CTNNA3: variants seen among roughly 807,000 people sequenced by gnomAD.
CTNNA3 encodes catenin alpha-3.
Under a neutral mutation model 95.7 loss-of-function variants are expected in CTNNA3, and 76 were observed. The observed-to-expected ratio is 0.79, with a 90% CI of 0.66 to 0.96. CTNNA3 has a LOEUF of 0.96. CTNNA3 is among the 40% of genes least tolerant of loss of function. CTNNA3 has a pLI of 0.00. For missense variants in CTNNA3, 1,191 were observed against 1,089.8 expected (o/e 1.09, Z -1.31); for synonymous variants, 431 against 374.4 (o/e 1.15, Z -1.74).
chr10:66,786,673 C>T (rs2132863455), intron 7 of CTNNA3, among the ~76,000 whole-genome samples: 1 of 152,242 alleles, frequency 6.6e-6, no homozygotes, highest in African/African-American at 2.4e-5. Flanking sequence ...AATATAATAA[C>T]TTCATTTTAC....
chr10:67,480,575 CA>C, intron 5 of CTNNA3, among the ~76,000 whole-genome samples: 1 of 152,230 alleles, frequency 6.6e-6, no homozygotes, highest in Non-Finnish European at 1.5e-5. Flanking sequence ...CAAACAATAG[CA>C]TGAGCAATCT....
intron 13 of CTNNA3, among the ~76,000 whole-genome samples, chr10:66,213,449 C>T (rs2088302974): frequency 6.6e-6 from 1 of 151,914 alleles, no homozygotes; most frequent in Non-Finnish European, 1.5e-5. Context: ...TACATTTTTT[C>T]CTATGTCAGG....
At chr10:66,636,283 G>A (rs1028188604) in intron 9 of CTNNA3, among the ~76,000 whole-genome samples, 1 of 151,920 alleles carries the variant, frequency 6.6e-6, no homozygotes, top group African/African-American at 2.4e-5. Flanking sequence ...GTTAGCAGGG[G>A]CATAAGCTAT....
intron 2 of CTNNA3, among the ~76,000 whole-genome samples, chr10:67,626,278 C>G (rs949714330): frequency 1.3e-5 from 2 of 151,806 alleles, no homozygotes; most frequent in African/African-American, 4.8e-5. Context: ...GATCTTTTTC[C>G]CTTCCATGGA....
At chr10:67,019,367 T>G (rs950772130) in intron 7 of CTNNA3, among the ~76,000 whole-genome samples, 1 of 152,064 alleles carries the variant, frequency 6.6e-6, no homozygotes, top group Non-Finnish European at 1.5e-5. Context: ...TACAGGCATG[T>G]GCCACCACGC....
In CTNNA3 at chr10:66,982,625, G is replaced by A. The variant is rs575303843; in HGVS notation, c.1047+197692C>T. On this transcript the variant is annotated intron_variant, in intron 7 of 17. Coordinates refer to ENST00000433211, the MANE Select transcript of CTNNA3 (RefSeq NM_013266.4). ...AAATTAGACAAAGACAATTGAAATA[G>A]AAAAAAATTGTTAACCTTGTGAGGT... Among the ~76,000 whole-genome samples, 4 of 152,034 alleles carry A rather than the reference G, an allele frequency of 2.6e-5. No homozygotes were observed. The South Asian group carries it at 6.2e-4, about 24-fold the overall frequency.
chr10:66,801,393 A>G (rs1292964043), intron 7 of CTNNA3, among the ~76,000 whole-genome samples: 1 of 151,494 alleles, frequency 6.6e-6, no homozygotes, highest in Non-Finnish European at 1.5e-5. Flanking sequence ...AATCTTCAAA[A>G]TATTATAACT....
intron 13 of CTNNA3, among the ~76,000 whole-genome samples, chr10:66,122,389 G>A (rs1046194604): frequency 2.0e-5 from 3 of 152,130 alleles, no homozygotes; most frequent in African/African-American, 4.8e-5. Context: ...ACATGTAATA[G>A]AAGAAAGAAA....
intron 1 of CTNNA3, among the ~76,000 whole-genome samples, chr10:67,718,560 A>G (rs546299202): frequency 6.6e-6 from 1 of 152,326 alleles, no homozygotes; most frequent in East Asian, 1.9e-4. Flanking sequence ...ATCTGTTGAG[A>G]TAATCAAGTG....
chr10:66,579,574 C>T (rs752248351), intron 10 of CTNNA3, among the ~76,000 whole-genome samples: 100 of 151,668 alleles, frequency 6.6e-4, no homozygotes, highest in Non-Finnish European at 3.7e-4. Flanking sequence ...ATAGCAAAGC[C>T]TTCAATAATA....
chr10:66,131,013 C>A (rs1182724859), intron 13 of CTNNA3, among the ~76,000 whole-genome samples: 1 of 150,670 alleles, frequency 6.6e-6, no homozygotes, highest in African/African-American at 2.4e-5. Context: ...AAACTGAATC[C>A]CTAAACAGAC....
intron 12 of CTNNA3, among the ~76,000 whole-genome samples, chr10:66,356,360 A>T (rs1162763752): frequency 3.3e-5 from 5 of 151,750 alleles, no homozygotes; most frequent in African/African-American, 9.7e-5. Context: ...GTCTTCTTTA[A>T]TTTCTTTGAC....
At chr10:66,595,238 G>C (rs530330505) in intron 10 of CTNNA3, among the ~76,000 whole-genome samples, 11 of 151,992 alleles carry the variant, frequency 7.2e-5, no homozygotes, top group Non-Finnish European at 1.5e-4. Context: ...ATCTCACCAA[G>C]TGCCAAGAGA....
intron 14 of CTNNA3, 138 bp downstream of exon 14, chr10:66,103,019 G>A (rs148809676): frequency 4.7e-5 from 32 of 683,360 alleles, no homozygotes; most frequent in Non-Finnish European, 7.6e-5. Flanking sequence ...TTAATGCTAA[G>A]GCTTTTCTCC....
chr10:66,335,516 G>T (rs772971005), intron 12 of CTNNA3, among the ~76,000 whole-genome samples: 20 of 152,100 alleles, frequency 1.3e-4, no homozygotes, highest in Non-Finnish European at 2.5e-4. Context: ...CTTTGCCTGG[G>T]TATCAGCAGC....
upstream of CTNNA3, among the ~76,000 whole-genome samples, chr10:67,696,786 CTT>C (rs78035749): frequency 6.6e-6 from 1 of 151,594 alleles, no homozygotes; most frequent in African/African-American, 2.4e-5. Context: ...TTCCTTTTCC[CTT>C]TTTTTTGATA....
At chr10:67,217,502 C>T (rs971259184) in intron 6 of CTNNA3, among the ~76,000 whole-genome samples, 24 of 152,262 alleles carry the variant, frequency 1.6e-4, no homozygotes, top group Admixed American at 7.8e-4. Context: ...CCCCTTCCCG[C>T]CTCATGAAGA....
chr10:66,912,055 G>A (rs543783465), intron 7 of CTNNA3, among the ~76,000 whole-genome samples: 7 of 152,116 alleles, frequency 4.6e-5, no homozygotes, highest in Non-Finnish European at 1.0e-4. Context: ...AGCCAATGAA[G>A]AGAAGAAATT....
chr10:67,580,164 C>A (rs1286364626), intron 3 of CTNNA3, among the ~76,000 whole-genome samples: 1 of 152,170 alleles, frequency 6.6e-6, no homozygotes, highest in African/African-American at 2.4e-5. Flanking sequence ...CCTAGGTTTT[C>A]TTCTAGGGCT....
Sources: gnomAD v4.1 joint callset for allele counts (sites outside exome capture counted in the v4.1 genomes callset) on GRCh38, gnomAD v4.1.1 for gene constraint, MANE v1.5 for transcripts, NCBI Gene and HGNC (gene_info 2026-07-23, HGNC 2026-07-21) for gene names.